The following ZNF823 variants were observed in gnomAD, a reference collection of about 807,000 sequenced individuals.
ZNF823 encodes the protein zinc finger protein 823.
ZNF823 carries 5 observed loss-of-function variants against 11.4 expected under a neutral mutation model. That is an observed-to-expected ratio of 0.44 (90% CI 0.23 to 0.92). ZNF823 has a LOEUF of 0.92. ZNF823 is among the 40% of genes least tolerant of loss of function. ZNF823 has a pLI of 0.24. For synonymous variants in ZNF823, 234 were observed against 250.5 expected (o/e 0.93, Z 0.62); for missense variants, 582 against 738.5 (o/e 0.79, Z 2.46).
Position 11,723,172 on chromosome 19 carries a change from G to C in ZNF823, c.362C>G (p.Thr121Ser), listed in dbSNP as rs1599699781. The stretch of plus-strand genomic sequence containing the variant: ...CTGATGCTCACATGATTTGTGTCCA[G>C]TGTCAACTCTGATGTTGCAATTAAG... ...SSLNCNIRVDTGHKSCEHQEY... is the reference protein window; with the variant it reads ...SSLNCNIRVDSGHKSCEHQEY... Residue 121 changes from threonine to serine, a missense_variant, in exon 4 of 4, where the codon ACT becomes AGT. Transcript: ENST00000341191. The C allele has an allele frequency of 1.2e-6, 2 of 1,614,030 alleles. No individual in the cohort carries two copies. The highest frequency in any genetic ancestry group is 2.7e-5 in the African/African-American group (2 of 74,908).
intron 1 of ZNF823, among the ~76,000 whole-genome samples, chr19:11,731,278 C>T (rs1487390316): frequency 2.0e-5 from 3 of 152,020 alleles, no homozygotes; most frequent in Non-Finnish European, 4.4e-5. Flanking sequence ...CGCCATTGCA[C>T]TCCAGCCTGG....
intron 1 of ZNF823, among the ~76,000 whole-genome samples, chr19:11,736,594 C>T (rs1447042551): frequency 1.3e-5 from 2 of 152,232 alleles, no homozygotes; most frequent in Non-Finnish European, 1.5e-5. Context: ...TGAAACCCAA[C>T]TTGTTCTTGT....
intron 1 of ZNF823, among the ~76,000 whole-genome samples, chr19:11,731,610 G>A (rs1293601506): frequency 6.6e-6 from 1 of 152,024 alleles, no homozygotes; most frequent in African/African-American, 2.4e-5. Context: ...TTGCTAGAGG[G>A]CTCAGTCCCA....
intron 1 of ZNF823, among the ~76,000 whole-genome samples, chr19:11,732,167 C>A (rs1599707701): frequency 9.7e-6 from 1 of 102,790 alleles, no homozygotes; most frequent in African/African-American, 4.8e-5. Context: ...TTAAAGGTTT[C>A]CCTTTTTTTT....
In ZNF823 at chr19:11,722,052, T is replaced by C; in HGVS notation, c.1482A>G (p.Thr494=). ...KYLSQHKRTH[T]VEKPYECKTC... ...TTTTACACTCATAAGGTTTTTCTAC[T>C]GTGTGGGTCCTTTTATGTTGAGAAA... is the stretch of plus-strand genomic sequence containing the variant. Residue 494 remains threonine (T), a synonymous_variant, in exon 4 of 4, where the codon ACA becomes ACG. Transcript: ENST00000341191. The surrounding 1 kb of genome is among the most constrained non-coding windows in gnomAD (Gnocchi z 5.2). 2 of 1,612,688 alleles carry C rather than the reference T, an allele frequency of 1.2e-6. No homozygotes were observed. The highest frequency in any genetic ancestry group is 1.7e-6 in the Non-Finnish European group (2 of 1,179,718).
At position 11,733,572 on chromosome 19, in the gene ZNF823, G is replaced by A. The variant is rs528178644; in HGVS notation, c.3+5245C>T. ...AAATTGGCTGGGCGTGGTGGTGCAC[G>A]CTTGAAGTTCCAGCTACTTGGGGGG... On this transcript the variant is annotated intron_variant, in intron 1 of 3. Transcript: ENST00000341191. Among the ~76,000 whole-genome samples the A allele has an allele frequency of 8.6e-5, 13 of 152,000 alleles. No individual in the cohort carries two copies. The East Asian group carries it at 2.5e-3, about 30-fold the overall frequency.
At chr19:11,735,790 A>C (rs1197373060) in intron 1 of ZNF823, among the ~76,000 whole-genome samples, 2 of 152,206 alleles carry the variant, frequency 1.3e-5, no homozygotes, top group African/African-American at 2.4e-5. Context: ...ACTCCAATCC[A>C]GCATTTATGT....
At chr19:11,737,983 AGT>A (rs1975025186) in intron 1 of ZNF823, among the ~76,000 whole-genome samples, 1 of 152,168 alleles carries the variant, frequency 6.6e-6, no homozygotes, top group African/African-American at 2.4e-5. Context: ...CACACACACG[AGT>A]CTGGATTCTG....
intron 3 of ZNF823, 120 bp from the exon 4 acceptor site, chr19:11,723,462 G>A: frequency 1.2e-6 from 1 of 867,868 alleles, no homozygotes; most frequent in Non-Finnish European, 1.7e-6. Context: ...TCCCCTGTTT[G>A]AATGTGAAGT....
At chr19:11,723,648 C>A (rs961015211) in intron 3 of ZNF823, among the ~76,000 whole-genome samples, 2 of 152,192 alleles carry the variant, frequency 1.3e-5, no homozygotes, top group African/African-American at 4.8e-5. Context: ...CGGATTCAAG[C>A]AATTCTTCTG....
chr19:11,724,170 C>G (rs769535314), intron 3 of ZNF823, 24 bp downstream of exon 3: 2 of 1,597,732 alleles, frequency 1.3e-6, no homozygotes, highest in Non-Finnish European at 1.7e-6. Context: ...AGGGACATAG[C>G]TTTCTTTTGT....
At chr19:11,723,385 G>A (rs780380234) in intron 3 of ZNF823, 43 bp from the exon 4 acceptor site, 1 of 1,448,502 alleles carries the variant, frequency 6.9e-7, no homozygotes. Flanking sequence ...TTGTTTATAA[G>A]TGATTTTCTA....
intron 1 of ZNF823, among the ~76,000 whole-genome samples, chr19:11,733,236 A>G (rs1394794512): frequency 3.3e-5 from 5 of 151,260 alleles, no homozygotes; most frequent in Middle Eastern, 3.4e-3. Flanking sequence ...GCGTGGTGGC[A>G]CGCGCCTGTA....
Position 11,723,233 on chromosome 19 carries a change from C to T in ZNF823, c.301G>A (p.Gly101Ser). 1.2e-6 allele frequency: 2 copies of T among 1,614,130 alleles called. No individual in the cohort carries two copies. Among genetic ancestry groups the T allele is most frequent in the Non-Finnish European group, 1.7e-6 (2 of 1,179,986 alleles). The change falls in exon 4 of 4, where the codon GGT becomes AGT. Residue 101 changes from glycine (G) to serine (S), a missense_variant. Physicochemically the swap from Gly to Ser is moderately conservative, Grantham distance 56 (BLOSUM62 0). Transcript: ENST00000341191. The part of the protein sequence containing the change: ...NTPRVNPCDS[G>S]ECGEVVLGHS... ...CCCAAGACGACTTCTCCACACTCAC[C>T]ACTGTCACATGGATTTACTCGAGGA...
At chr19:11,731,016 A>C (rs1490977146) in intron 1 of ZNF823, among the ~76,000 whole-genome samples, 3 of 151,768 alleles carry the variant, frequency 2.0e-5, no homozygotes, top group Non-Finnish European at 4.4e-5. Context: ...AAAAAAAAAA[A>C]AAAAAACCGC....
In ZNF823 at chr19:11,723,032, C is replaced by T. The variant is rs1974721302; in HGVS notation, c.502G>A (p.Glu168Lys). ...AGAGAACTAAAGGTTTTTGCACATT[C>T]TTTACAATCGAAGGGTTTCTTTCCG... ...PTGKKPFDCK[E>K]CAKTFSSLGN... The change falls in exon 4 of 4, where the codon GAA becomes AAA. Residue 168 changes from glutamate (E) to lysine (K), a missense_variant. Physicochemically the swap from Glu to Lys is moderately conservative, Grantham distance 56. Transcript: ENST00000341191. 2 of 1,614,056 alleles carry T rather than the reference C, an allele frequency of 1.2e-6. No homozygotes were observed. The highest frequency in any genetic ancestry group is 1.1e-5 in the South Asian group (1 of 91,076).
rs1379936505 is a variant in ZNF823, at chr19:11,736,113, C to T, written c.3+2704G>A. Among the ~76,000 whole-genome samples, 4 of 151,714 alleles carry T rather than the reference C, an allele frequency of 2.6e-5. No homozygotes were observed. In the East Asian group the frequency reaches 7.7e-4, roughly 29 times the overall value. Reference sequence around the variant, plus strand: ...TTATAATTCATCAATATATCCACCACACTTTCTTGCAAAAATGTATTCATT... The same window carrying T: ...TTATAATTCATCAATATATCCACCATACTTTCTTGCAAAAATGTATTCATT... On this transcript the variant is annotated intron_variant, in intron 1 of 3. Coordinates refer to ENST00000341191, the MANE Select transcript of ZNF823 (RefSeq NM_001080493.4).
chr19:11,734,600 C>A (rs10415655), intron 1 of ZNF823, among the ~76,000 whole-genome samples: 1 of 152,134 alleles, frequency 6.6e-6, no homozygotes, highest in Admixed American at 6.5e-5. Flanking sequence ...TGCAGTGGCA[C>A]GATCTCAGCT....
intron 1 of ZNF823, among the ~76,000 whole-genome samples, chr19:11,729,408 C>T (rs1290830829): frequency 6.6e-6 from 1 of 152,080 alleles, no homozygotes; most frequent in Non-Finnish European, 1.5e-5. Flanking sequence ...GTCAGTTATA[C>T]AAGAAGACAT....
Sources: gnomAD v4.1 joint callset for allele counts (sites outside exome capture counted in the v4.1 genomes callset) on GRCh38, gnomAD v4.1.1 for gene constraint, Gnocchi (gnomAD v3.1) non-coding constraint, MANE v1.5 for transcripts, NCBI Gene and HGNC (gene_info 2026-07-23, HGNC 2026-07-21) for gene names.